The following BICD1 variants were observed in gnomAD, a reference collection of about 807,000 sequenced individuals.
BICD1 encodes protein bicaudal D homolog 1.
BICD1 carries 35 observed loss-of-function variants against 92.5 expected under a neutral mutation model. That is an observed-to-expected ratio of 0.38 (90% CI 0.29 to 0.50). The LOEUF (loss-of-function observed/expected upper bound fraction) is 0.50, where lower values mean the gene tolerates loss of function less well. BICD1 is among the 20% of genes least tolerant of loss of function. BICD1 has a pLI of 0.93. For synonymous variants in BICD1, 429 were observed against 465.1 expected (o/e 0.92, Z 1.00); for missense variants, 950 against 1,189.8 (o/e 0.80, Z 2.97).
Position 32,327,844 on chromosome 12 carries a change from T to C in BICD1, c.1389T>C (p.Asp463=). The change falls in exon 5 of 10, where the codon GAT becomes GAC. Residue 463 remains aspartate (D), a synonymous_variant. Coordinates refer to ENST00000652176, the MANE Select transcript of BICD1 (RefSeq NM_001714.4). ...ATGAGAGTAAAATCCAGATGTATGA[T>C]GAGCAGGTGACAAGCCTTGAGAAGA... is the stretch of plus-strand genomic sequence containing the variant. The part of the protein sequence containing the change: ...AKYESKIQMY[D]EQVTSLEKTT... The C allele has an allele frequency of 6.2e-7, 1 of 1,614,068 alleles. No homozygotes were observed. Among genetic ancestry groups the C allele is most frequent in the Non-Finnish European group, 8.5e-7 (1 of 1,180,006 alleles).
intron 8 of BICD1, among the ~76,000 whole-genome samples, chr12:32,356,836 C>A (rs1471492988): frequency 6.6e-6 from 1 of 152,106 alleles, no homozygotes; most frequent in East Asian, 1.9e-4. Context: ...TGCAACTTTT[C>A]TATCTCCACG....
chr12:32,157,606 A>G (rs1160704523), intron 1 of BICD1, among the ~76,000 whole-genome samples: 1 of 152,160 alleles, frequency 6.6e-6, no homozygotes, highest in African/African-American at 2.4e-5. Flanking sequence ...TGGGTGCCCA[A>G]GGATACCTGT....
At position 32,313,356 on chromosome 12, in the gene BICD1, T is replaced by C. The variant is rs1948426505; in HGVS notation, c.1005+7234T>C. Among the ~76,000 whole-genome samples the C allele has an allele frequency of 6.6e-6, 1 of 152,208 alleles. No homozygotes were observed. The highest frequency in any genetic ancestry group is 2.4e-5 in the African/African-American group (1 of 41,454). On this transcript the variant is annotated intron_variant, in intron 4 of 9. Coordinates refer to ENST00000652176, the MANE Select transcript of BICD1 (RefSeq NM_001714.4). The surrounding 1 kb of genome is among the most constrained non-coding windows in gnomAD (Gnocchi z 4.2). ...CCATAAGAGTTCAAAGCAATTTTTA[T>C]ATATTTGCTTAATTGGTTGCTGCTT...
intron 8 of BICD1, among the ~76,000 whole-genome samples, chr12:32,341,463 C>CAAAA (rs36000130): frequency 1.6e-5 from 2 of 121,728 alleles, no homozygotes; most frequent in African/African-American, 2.9e-5. Flanking sequence ...GACACTGTCT[C>CAAAA]AAAAAAAAAA....
chr12:32,338,045 T>G (rs1310297177), intron 7 of BICD1: 8 of 486,818 alleles, frequency 1.6e-5, no homozygotes, highest in Middle Eastern at 1.1e-3. Context: ...TCTTGATTAA[T>G]CGTAATATAA....
In BICD1 at chr12:32,379,814, G is replaced by A. The variant is rs1459363518; in HGVS notation, c.*2187G>A. Reference sequence around the variant, plus strand: ...GAACATGTTCGTAGATCGTCTCATCGGTTTTGTTTGGTGGGACTGGGAGTT... The same window carrying A: ...GAACATGTTCGTAGATCGTCTCATCAGTTTTGTTTGGTGGGACTGGGAGTT... On this transcript the variant is annotated 3_prime_UTR_variant, in exon 10 of 10. Coordinates refer to ENST00000652176, the MANE Select transcript of BICD1 (RefSeq NM_001714.4). The A allele has an allele frequency of 1.3e-5, 2 of 152,144 alleles. No individual in the cohort carries two copies. Among genetic ancestry groups the A allele is most frequent in the East Asian group, 3.8e-4 (2 of 5,200 alleles). The allele number at this position is 152,144 out of a possible 1,614,324, so 9.4% of individuals were successfully genotyped here. A position where few individuals can be genotyped will look rare whatever the true frequency, so the allele number is the denominator to read the frequency against.
At chr12:32,238,609 A>G (rs1171865533) in intron 2 of BICD1, among the ~76,000 whole-genome samples, 6 of 152,206 alleles carry the variant, frequency 3.9e-5, no homozygotes, top group Non-Finnish European at 8.8e-5. Flanking sequence ...ATCTTTCTTC[A>G]CAAAAGGAAC....
At position 32,216,595 on chromosome 12, in the gene BICD1, C is replaced by T. The variant is rs1945369948; in HGVS notation, c.426+136C>T. ...CACGAAACTACTAATACTGAGCTAG[C>T]AACTTTTCTTTTTTAGTGAAATGAT... On this transcript the variant is annotated intron_variant, in intron 2 of 9. Transcript: ENST00000652176. The T allele has an allele frequency of 3.6e-6, 3 of 838,678 alleles. No individual in the cohort carries two copies. The East Asian group carries it at 8.1e-5, about 23-fold the overall frequency. The allele number at this position is 838,678 out of a possible 1,614,324, so 52.0% of individuals were successfully genotyped here. A position where few individuals can be genotyped will look rare whatever the true frequency, so the allele number is the denominator to read the frequency against.
In BICD1 at chr12:32,328,549, C is replaced by T; in HGVS notation, c.2094C>T (p.Asn698=). ...IATLRAVLKA[N]KQTAEVALAN... is the part of the protein sequence containing the mutation. The stretch of plus-strand genomic sequence containing the variant: ...CATTGAGGGCGGTGTTGAAAGCCAA[C>T]AAGCAGGTAATCTCATTCTACTGGT... The change falls in exon 5 of 10, where the codon AAC becomes AAT. Residue 698 remains asparagine (N), a synonymous_variant. Transcript: ENST00000652176. This position sits in a 1 kb window ranked among gnomAD's most constrained non-coding sequence, Gnocchi z 4.4. 6.2e-7 allele frequency: 1 copy of T among 1,609,990 alleles called. No homozygotes were observed. Among genetic ancestry groups the T allele is most frequent in the Non-Finnish European group, 8.5e-7 (1 of 1,177,108 alleles).
rs1938199408 is a variant in BICD1 at position 32,337,831 on chromosome 12, A to G, written c.2570+15A>G. 2 of 1,612,896 alleles carry G rather than the reference A, an allele frequency of 1.2e-6. No homozygotes were observed. Among genetic ancestry groups the G allele is most frequent in the South Asian group, 2.2e-5 (2 of 91,046 alleles). Reference sequence around the variant, plus strand: ...CAGAGGAAAAGGTATGCATGCAGCGATCTTCATAGTACGGTGCAGTGGCCA... The same window carrying G: ...CAGAGGAAAAGGTATGCATGCAGCGGTCTTCATAGTACGGTGCAGTGGCCA... On this transcript the variant is annotated intron_variant, in intron 7 of 9. Coordinates refer to ENST00000652176, the MANE Select transcript of BICD1 (RefSeq NM_001714.4). The surrounding 1 kb of genome is among the most constrained non-coding windows in gnomAD (Gnocchi z 4.7).
intron 1 of BICD1, among the ~76,000 whole-genome samples, chr12:32,118,091 A>ATTTTATTTTATTTTATTTTATTTAT (rs1555126592): frequency 2.1e-5 from 1 of 46,832 alleles, no homozygotes; most frequent in Admixed American, 3.2e-4. Context: ...TATTTTATTT[A>ATTTTATTTTATTTTATTTTATTTAT]TTTTTTTTGA....
At chr12:32,348,719 C>CAAAAAA (rs1555171503) in intron 8 of BICD1, among the ~76,000 whole-genome samples, 5 of 69,774 alleles carry the variant, frequency 7.2e-5, no homozygotes, top group South Asian at 4.9e-4. Flanking sequence ...CTAGCTCACA[C>CAAAAAA]AAAAATATAT....
In BICD1 at chr12:32,365,549, C is replaced by G. The variant is rs576020572; in HGVS notation, c.2765-2121C>G. On this transcript the variant is annotated intron_variant, in intron 8 of 9. Transcript: ENST00000652176. Reference sequence around the variant, plus strand: ...TCGCTATTCCACAGAGGCCACTACTCTGCTTTAGAAGAGTTTCATTATACC... The same window carrying G: ...TCGCTATTCCACAGAGGCCACTACTGTGCTTTAGAAGAGTTTCATTATACC... 2.0e-5 allele frequency among the ~76,000 whole-genome samples: 3 copies of G among 152,338 alleles called. No homozygotes were observed. In the East Asian group the frequency reaches 5.8e-4, roughly 29 times the overall value.
At chr12:32,174,161 C>G (rs771809155) in intron 1 of BICD1, among the ~76,000 whole-genome samples, 37 of 152,180 alleles carry the variant, frequency 2.4e-4, no homozygotes, top group Non-Finnish European at 4.9e-4. Flanking sequence ...TACTCTTTCT[C>G]TGTGGGCTTT....
intron 1 of BICD1, among the ~76,000 whole-genome samples, chr12:32,142,353 C>T (rs951593199): frequency 7.5e-6 from 1 of 133,032 alleles, no homozygotes; most frequent in Non-Finnish European, 1.5e-5. Flanking sequence ...TTGCAGTGAG[C>T]TGAGATCGTG....
chr12:32,236,209 A>G (rs1485083911), intron 2 of BICD1, among the ~76,000 whole-genome samples: 2 of 151,344 alleles, frequency 1.3e-5, no homozygotes, highest in Non-Finnish European at 2.9e-5. Flanking sequence ...CCTGGCCAAC[A>G]TAGTGAAACC....
At chr12:32,367,524 A>T in intron 8 of BICD1, 146 bp from the exon 9 acceptor site, 1 of 658,738 alleles carries the variant, frequency 1.5e-6, no homozygotes, top group Non-Finnish European at 2.5e-6. Context: ...ATCATTCAAG[A>T]AGAAAAAAAA....
chr12:32,316,137 A>T (rs7959704), intron 4 of BICD1, among the ~76,000 whole-genome samples: 2 of 51,822 alleles, frequency 3.9e-5, no homozygotes, highest in East Asian at 2.7e-4. Context: ...CCCTGTCTCA[A>T]AAAAAAAAAA....
intron 1 of BICD1, among the ~76,000 whole-genome samples, chr12:32,215,541 A>G (rs1166451261): frequency 1.3e-5 from 2 of 152,166 alleles, no homozygotes; most frequent in African/African-American, 2.4e-5. Context: ...AGCACACTAA[A>G]TGATTGTTTT....
Sources: allele counts gnomAD v4.1 joint callset (sites outside exome capture counted in the v4.1 genomes callset), GRCh38; gene constraint gnomAD v4.1.1; non-coding constraint Gnocchi (gnomAD v3.1); transcripts MANE v1.5; gene names NCBI Gene and HGNC (gene_info 2026-07-23, HGNC 2026-07-21).